The following SLC25A26 variants were observed in gnomAD, a reference collection of about 807,000 sequenced individuals.
SLC25A26 encodes the protein solute carrier family 25 member 26.
SLC25A26 carries 36 observed loss-of-function variants against 37.8 expected under a neutral mutation model. That is an observed-to-expected ratio of 0.95 (90% CI 0.73 to 1.26). The LOEUF (loss-of-function observed/expected upper bound fraction) is 1.26, where lower values mean the gene tolerates loss of function less well. SLC25A26 is among the 50% of genes most tolerant of loss of function. The pLI, the probability that SLC25A26 is intolerant of heterozygous loss-of-function variation, is 0.00. For synonymous variants in SLC25A26, 129 were observed against 122.5 expected (o/e 1.05, Z -0.35); for missense variants, 390 against 331.1 (o/e 1.18, Z -1.38).
rs1322481091 is a variant in SLC25A26, at chr3:66,209,097, T to C, written c.-353-11645T>C. ...ACACACCCATATAAAGATGTATATA[T>C]ATATATATATATATATACACAAAAA... On this transcript the variant is annotated intron_variant, in intron 1 of 10. Transcript: ENST00000676754. Among the ~76,000 whole-genome samples the C allele has an allele frequency of 5.6e-3, 405 of 72,366 alleles. 9 individuals are homozygous for C. The highest frequency in any genetic ancestry group is 0.033 in the African/African-American group (394 of 12,094). The allele number at this position is 72,366 out of a possible 152,430, so 47.5% of individuals were successfully genotyped here.
At chr3:66,198,418 C>A (rs1178973431) in intron 1 of SLC25A26, among the ~76,000 whole-genome samples, 1 of 152,038 alleles carries the variant, frequency 6.6e-6, no homozygotes, top group Non-Finnish European at 1.5e-5. Context: ...TTACTCTTGA[C>A]CCTCATGTGC....
chr3:66,199,670 C>A (rs2071085493), intron 1 of SLC25A26, among the ~76,000 whole-genome samples: 1 of 152,094 alleles, frequency 6.6e-6, no homozygotes. Flanking sequence ...CTAAACCCTT[C>A]ACTGGCCTCA....
At chr3:66,231,373 T>C (rs1451733344) in intron 1 of SLC25A26, among the ~76,000 whole-genome samples, 13 of 152,040 alleles carry the variant, frequency 8.6e-5, no homozygotes, top group Non-Finnish European at 1.3e-4. Context: ...ATTTTTTTTT[T>C]CCCCAGGGGA....
chr3:66,216,621 GT>G (rs1219184012), upstream of SLC25A26, among the ~76,000 whole-genome samples: 30 of 143,380 alleles, frequency 2.1e-4, no homozygotes, highest in South Asian at 6.7e-4. Flanking sequence ...TTTTGTTTTT[GT>G]TTTTTTTTTT....
intron 1 of SLC25A26, among the ~76,000 whole-genome samples, chr3:66,145,361 C>G (rs1402522769): frequency 1.3e-5 from 2 of 152,118 alleles, no homozygotes; most frequent in Non-Finnish European, 2.9e-5. Flanking sequence ...GGCAGTCATA[C>G]TTATTTCAAA....
intron 4 of SLC25A26, 121 bp downstream of exon 4, chr3:66,262,276 G>A: frequency 2.1e-6 from 1 of 479,536 alleles, no homozygotes; most frequent in Non-Finnish European, 3.6e-6. Flanking sequence ...TTAATGTCCA[G>A]TTATAGTAAA....
intron 1 of SLC25A26, among the ~76,000 whole-genome samples, chr3:66,179,696 A>G (rs1267825811): frequency 1.3e-5 from 2 of 152,052 alleles, no homozygotes; most frequent in East Asian, 1.9e-4. Context: ...TTTATCTTCC[A>G]TAAGAACTTC....
At chr3:66,193,822 C>T (rs2070991517) in intron 1 of SLC25A26, among the ~76,000 whole-genome samples, 1 of 152,124 alleles carries the variant, frequency 6.6e-6, no homozygotes, top group South Asian at 2.1e-4. Context: ...ACAATATTAA[C>T]CTAGATAAAC....
intron 5 of SLC25A26, among the ~76,000 whole-genome samples, chr3:66,331,769 TA>T (rs1460052952): frequency 6.6e-6 from 1 of 152,164 alleles, no homozygotes; most frequent in Non-Finnish European, 1.5e-5. Context: ...TGCCATTATT[TA>T]AAAATAAAAC....
Position 66,377,841 on chromosome 3 carries a change from G to C in SLC25A26, c.*34G>C, listed in dbSNP as rs774223340. On this transcript the variant is annotated 3_prime_UTR_variant, in exon 10 of 10. Transcript: ENST00000354883. Reference sequence around the variant, plus strand: ...CAAGCCTCACCTCCACTTCTGTCAAGAGAGGGGCCTGCAGTGCAAACCCTC... The same window carrying C: ...CAAGCCTCACCTCCACTTCTGTCAACAGAGGGGCCTGCAGTGCAAACCCTC... 12 of 1,525,384 alleles carry C rather than the reference G, an allele frequency of 7.9e-6. No individual in the cohort carries two copies. Among genetic ancestry groups the C allele is most frequent in the Admixed American group, 3.3e-5 (2 of 59,850 alleles). 94.5% of individuals were successfully genotyped at this position (1,525,384 alleles called of 1,614,324 possible).
intron 5 of SLC25A26, among the ~76,000 whole-genome samples, chr3:66,311,611 C>G (rs2075379667): frequency 6.6e-6 from 1 of 151,956 alleles, no homozygotes; most frequent in Non-Finnish European, 1.5e-5. Context: ...GTGGTTTTTC[C>G]TCATCTTCAT....
intron 3 of SLC25A26, among the ~76,000 whole-genome samples, chr3:66,258,478 C>T (rs1402853868): frequency 6.6e-6 from 1 of 152,162 alleles, no homozygotes; most frequent in Non-Finnish European, 1.5e-5. Context: ...GGTCCTGGCA[C>T]TTGCATCTAA....
chr3:66,254,914 CT>C, intron 3 of SLC25A26, among the ~76,000 whole-genome samples: 2 of 152,246 alleles, frequency 1.3e-5, no homozygotes, highest in Admixed American at 1.3e-4. Flanking sequence ...ATTGGGGATA[CT>C]TAGGGACTTT....
chr3:66,154,400 G>A (rs1479201708), intron 1 of SLC25A26, among the ~76,000 whole-genome samples: 2 of 152,024 alleles, frequency 1.3e-5, no homozygotes, highest in Non-Finnish European at 2.9e-5. Flanking sequence ...TGTACGATGT[G>A]TATTATTCTT....
chr3:66,150,739 G>C (rs541816018), intron 1 of SLC25A26, among the ~76,000 whole-genome samples: 2 of 146,604 alleles, frequency 1.4e-5, no homozygotes, highest in South Asian at 4.4e-4. Flanking sequence ...GAAGTAGCTT[G>C]TCCCCTGGAC....
intron 1 of SLC25A26, among the ~76,000 whole-genome samples, chr3:66,180,165 A>G (rs912678157): frequency 4.5e-4 from 69 of 152,350 alleles, no homozygotes; most frequent in African/African-American, 1.6e-3. Flanking sequence ...CTAGGTTTCC[A>G]GGAACAGACT....
At chr3:66,215,400 C>T (rs1415614489) in intron 1 of SLC25A26, among the ~76,000 whole-genome samples, 1 of 152,080 alleles carries the variant, frequency 6.6e-6, no homozygotes, top group East Asian at 1.9e-4. Flanking sequence ...AAGGTCTCCC[C>T]ATGTTGCCCA....
intron 5 of SLC25A26, among the ~76,000 whole-genome samples, chr3:66,334,875 G>A (rs571642096): frequency 2.6e-5 from 4 of 151,926 alleles, no homozygotes; most frequent in African/African-American, 9.7e-5. Flanking sequence ...AAAGCTAACT[G>A]ATAAAATCTG....
chr3:66,334,784 C>G (rs2076057577), intron 5 of SLC25A26, among the ~76,000 whole-genome samples: 1 of 151,994 alleles, frequency 6.6e-6, no homozygotes, highest in South Asian at 2.1e-4. Context: ...ATAGCTAACC[C>G]AGAGCTAACA....
Sources: gnomAD v4.1 joint callset for allele counts (sites outside exome capture counted in the v4.1 genomes callset) on GRCh38, gnomAD v4.1.1 for gene constraint, MANE v1.5 for transcripts, NCBI Gene and HGNC (gene_info 2026-07-23, HGNC 2026-07-21) for gene names.